Variants in EPN3 observed in about 807,000 individuals in gnomAD.
EPN3 encodes epsin 3, also known as epsin-3.
In EPN3, 56 loss-of-function variants were observed where a neutral mutation model predicts 55.5. That is an observed-to-expected ratio of 1.01 (90% CI 0.81 to 1.26). The LOEUF (loss-of-function observed/expected upper bound fraction) is 1.26. Among genes scored for constraint, EPN3 ranks in the 50% most tolerant of loss-of-function variants. The probability of loss-of-function intolerance (pLI) is 0.00; values close to 1 mark genes in which losing one functional copy is unlikely to be tolerated. For missense variants in EPN3, 927 were observed against 853.4 expected (o/e 1.09, Z -1.07); for synonymous variants, 449 against 375.2 (o/e 1.20, Z -2.27).
At chr17:50,535,820 G>GC (rs2034751497) in intron 1 of EPN3, among the ~76,000 whole-genome samples, 1 of 152,178 alleles carries the variant, frequency 6.6e-6, no homozygotes, top group Non-Finnish European at 1.5e-5. Flanking sequence ...TGAGAAAAGT[G>GC]AGCTGAGGAG....
At chr17:50,537,356 C>G (rs925100473) in intron 2 of EPN3, 1 of 562,176 alleles carries the variant, frequency 1.8e-6, no homozygotes, top group Non-Finnish European at 3.2e-6. Flanking sequence ...GATAGGATGG[C>G]GCGATAGTGG....
At position 50,539,256 on chromosome 17, in the gene EPN3, C is replaced by G; in HGVS notation, c.832C>G (p.Arg278Gly). The G allele has an allele frequency of 6.2e-7, 1 of 1,614,080 alleles. No homozygotes were observed. Among genetic ancestry groups the G allele is most frequent in the Non-Finnish European group, 8.5e-7 (1 of 1,180,020 alleles). The change falls in exon 5 of 10, where the codon CGG becomes GGG. Residue 278 changes from arginine (R) to glycine (G), a missense_variant. Physicochemically the swap from Arg to Gly is moderately radical, Grantham distance 125. Coordinates refer to ENST00000268933, the MANE Select transcript of EPN3 (RefSeq NM_017957.3). ...TGCAGGGGCCGTGGTCCACCATCAGCGGGACAGAGAGCCTGAGAGAGAAGA... is the reference window on the plus strand; with the variant it reads ...TGCAGGGGCCGTGGTCCACCATCAGGGGGACAGAGAGCCTGAGAGAGAAGA... ...NGAGAVVHHQRDREPEREERK... is the reference protein window; with the variant it reads ...NGAGAVVHHQGDREPEREERK...
intron 1 of EPN3, chr17:50,534,439 G>C: frequency 2.0e-6 from 2 of 985,540 alleles, no homozygotes; most frequent in Non-Finnish European, 2.4e-6. Flanking sequence ...GGTTCTGCTA[G>C]TTCCAGCGGC....
intron 5 of EPN3, 145 bp downstream of exon 5, chr17:50,539,460 T>C: frequency 8.0e-7 from 1 of 1,247,534 alleles, no homozygotes; most frequent in Non-Finnish European, 1.1e-6. Context: ...GTAGCAGCCC[T>C]AGTCCCACAT....
At chr17:50,539,065 C>A (rs1185937431) in intron 4 of EPN3, 101 bp downstream of exon 4, 10 of 1,543,822 alleles carry the variant, frequency 6.5e-6, no homozygotes, top group Non-Finnish European at 7.9e-6. Context: ...GGTGGCCCTG[C>A]TGCTCCTAAC....
rs1234984453 is a variant in EPN3, at chr17:50,542,263, A to G, written c.*106A>G. ...GCCGGTGCTAGTGGAACGCCGAGCC[A>G]GTGGCGGCTGGTATCCCGCGGCGGC... On this transcript the variant is annotated 3_prime_UTR_variant, in exon 10 of 10. Coordinates refer to ENST00000268933, the MANE Select transcript of EPN3 (RefSeq NM_017957.3). 4 of 1,245,218 alleles carry G rather than the reference A, an allele frequency of 3.2e-6. No individual in the cohort carries two copies. Among genetic ancestry groups the G allele is most frequent in the Non-Finnish European group, 4.2e-6 (4 of 958,624 alleles). The allele number at this position is 1,245,218 out of a possible 1,614,324, so 77.1% of individuals were successfully genotyped here.
At position 50,537,160 on chromosome 17, in the gene EPN3, C is replaced by T. The variant is rs1156493067; in HGVS notation, c.562+42C>T. The T allele has an allele frequency of 4.0e-6, 6 of 1,506,106 alleles. No individual in the cohort carries two copies. The East Asian group carries it at 1.2e-4, about 30-fold the overall frequency. 93.3% of individuals were successfully genotyped at this position (1,506,106 alleles called of 1,614,324 possible). Reference sequence around the variant, plus strand: ...GTGTGGCTGGGATGGGGAGGTGGCCCGACTTCCATTCCTGGCTCTGCAATC... The same window carrying T: ...GTGTGGCTGGGATGGGGAGGTGGCCTGACTTCCATTCCTGGCTCTGCAATC... On this transcript the variant is annotated intron_variant, in intron 2 of 9. Coordinates refer to ENST00000268933, the MANE Select transcript of EPN3 (RefSeq NM_017957.3).
At chr17:50,538,270 C>T in intron 3 of EPN3, 73 bp downstream of exon 3, 1 of 1,235,500 alleles carries the variant, frequency 8.1e-7, no homozygotes, top group Non-Finnish European at 1.1e-6. Flanking sequence ...AGCCCCTTGG[C>T]CTTGACTCAG....
rs1158900207 is a variant in EPN3, at chr17:50,541,971, C to T, written c.1713C>T (p.Gly571=). The change falls in exon 10 of 10, where the codon GGC becomes GGT. Residue 571 remains glycine, a synonymous_variant. Transcript: ENST00000268933. ...LAGGPVGAPL[G]SMTYSASLPL... Reference sequence around the variant, plus strand: ...GCGGGCCTGTGGGGGCGCCCCTGGGCTCCATGACCTACAGCGCCTCTCTGC... The same window carrying T: ...GCGGGCCTGTGGGGGCGCCCCTGGGTTCCATGACCTACAGCGCCTCTCTGC... The T allele has an allele frequency of 2.4e-5, 39 of 1,597,046 alleles. No homozygotes were observed. Among genetic ancestry groups the T allele is most frequent in the Non-Finnish European group, 3.3e-5 (39 of 1,178,084 alleles).
intron 1 of EPN3, chr17:50,534,494 T>C: frequency 1.0e-6 from 1 of 985,484 alleles, no homozygotes; most frequent in Non-Finnish European, 1.2e-6. Flanking sequence ...TGCACATTAT[T>C]TCCCATCTTG....
intron 1 of EPN3, among the ~76,000 whole-genome samples, chr17:50,534,127 C>T (rs9911845): frequency 9.4e-4 from 12 of 12,720 alleles, no homozygotes; most frequent in African/African-American, 4.3e-3. Context: ...CCCTTCTCTG[C>T]GCTTGGGCAG....
intron 3 of EPN3, chr17:50,538,674 G>C (rs141788870): frequency 1.0e-4 from 51 of 486,172 alleles, no homozygotes; most frequent in African/African-American, 3.3e-4. Context: ...ATTCAGAAGC[G>C]AAAGATCAGT....
rs1319310906 is a variant in EPN3 at position 50,540,961 on chromosome 17, C to G, written c.1148C>G (p.Pro383Arg). The change falls in exon 7 of 10, where the codon CCC becomes CGC. Residue 383 changes from proline to arginine, a missense_variant. Coordinates refer to ENST00000268933, the MANE Select transcript of EPN3 (RefSeq NM_017957.3). ...WGRTPVLPAG[P>R]PTTDPWALNS... is the part of the protein sequence containing the mutation. ...AGGACCCCAGTGCTGCCTGCTGGGC[C>G]CCCCACCACAGACCCCTGGGCCCTG... 6.2e-7 allele frequency: 1 copy of G among 1,613,178 alleles called. No homozygotes were observed. Among genetic ancestry groups the G allele is most frequent in the Non-Finnish European group, 8.5e-7 (1 of 1,179,866 alleles).
At position 50,537,037 on chromosome 17, in the gene EPN3, A is replaced by G; in HGVS notation, c.481A>G (p.Ile161Val). 6.2e-7 allele frequency: 1 copy of G among 1,612,846 alleles called. No homozygotes were observed. Among genetic ancestry groups the G allele is most frequent in the African/African-American group, 1.3e-5 (1 of 75,052 alleles). ...GCGCATGGCACTGGAGGGCATCGGC[A>G]TTGGCAGTGGGCAGCTGGGCTTCAG... ...KERMALEGIG[I>V]GSGQLGFSRR... Residue 161 changes from isoleucine to valine, a missense_variant, in exon 2 of 10, where the codon ATT becomes GTT. Physicochemically the swap from Ile to Val is conservative, Grantham distance 29. Coordinates refer to ENST00000268933, the MANE Select transcript of EPN3 (RefSeq NM_017957.3).
At position 50,542,109 on chromosome 17, in the gene EPN3, C is replaced by A. The variant is rs372216303; in HGVS notation, c.1851C>A (p.Ala617=). 504 of 1,539,486 alleles carry A rather than the reference C, an allele frequency of 3.3e-4. No individual in the cohort carries two copies. The African/African-American group carries it at 6.2e-3, about 19-fold the overall frequency. ...PQPLLPTPSS[A]GPRPPPPQTG... ...CGCTGCTGCCCACGCCGAGCTCAGC[C>A]GGGCCGCGGCCCCCGCCCCCGCAGA... Residue 617 remains alanine, a synonymous_variant, in exon 10 of 10, where the codon GCC becomes GCA. Transcript: ENST00000268933.
chr17:50,538,836 C>T (rs776851914), intron 3 of EPN3, 48 bp from the exon 4 acceptor site: 1 of 1,449,944 alleles, frequency 6.9e-7, no homozygotes, highest in Non-Finnish European at 9.3e-7. Flanking sequence ...CCCTTCTGGT[C>T]CCAAGGTGGG....
chr17:50,537,062 G>A lies in EPN3; in HGVS notation c.506G>A (p.Ser169Asn). 1.9e-6 allele frequency: 3 copies of A among 1,610,404 alleles called. No homozygotes were observed. Among genetic ancestry groups the A allele is most frequent in the Middle Eastern group, 1.7e-4 (1 of 5,838 alleles). Residue 169 changes from serine (S) to asparagine (N), a missense_variant, in exon 2 of 10, where the codon AGC (serine) becomes AAC (asparagine). Ser to Asn is a conservative substitution (Grantham distance 46). Transcript: ENST00000268933. ...ATTGGCAGTGGGCAGCTGGGCTTCA[G>A]CCGCCGCTACGGCGAGGACTACAGC... is the stretch of plus-strand genomic sequence containing the variant. ...IGIGSGQLGF[S>N]RRYGEDYSRS...
At chr17:50,534,922 G>C (rs61058026) in intron 1 of EPN3, among the ~76,000 whole-genome samples, 9,828 of 152,134 alleles carry the variant, frequency 0.065, 653 homozygotes, top group African/African-American at 0.18. Context: ...TGGTGGGTGG[G>C]GGACAGTTCA....
At chr17:50,541,746 G>C (rs756932117) in intron 9 of EPN3, 52 bp downstream of exon 9, 10 of 1,608,282 alleles carry the variant, frequency 6.2e-6, no homozygotes, top group Non-Finnish European at 7.7e-6. Flanking sequence ...TCAGAGCCTA[G>C]CCTCCGCCGG....
Sources: allele counts gnomAD v4.1 joint callset (sites outside exome capture counted in the v4.1 genomes callset), GRCh38; gene constraint gnomAD v4.1.1; transcripts MANE v1.5; gene names NCBI Gene and HGNC (gene_info 2026-07-23, HGNC 2026-07-21).